Variants in PRKN observed in about 807,000 individuals in gnomAD.
The protein encoded by PRKN is E3 ubiquitin-protein ligase parkin.
Under a neutral mutation model 59.5 loss-of-function variants are expected in PRKN, and 56 were observed. That is an observed-to-expected ratio of 0.94 (90% confidence interval 0.76 to 1.18). PRKN has a LOEUF of 1.18. Among genes scored for constraint, PRKN ranks in the 50% most tolerant of loss-of-function variants. PRKN has a pLI of 0.00. For synonymous variants in PRKN, 250 were observed against 222.1 expected (o/e 1.13, Z -1.12); for missense variants, 657 against 596.4 (o/e 1.10, Z -1.06).
chr6:162,408,809 C>T (rs963841484), intron 2 of PRKN, among the ~76,000 whole-genome samples: 5 of 152,172 alleles, frequency 3.3e-5, no homozygotes, highest in African/African-American at 9.7e-5. Context: ...ATCACATATT[C>T]TTACTCTAAG....
chr6:161,929,253 A>C (rs1583359585), intron 6 of PRKN, among the ~76,000 whole-genome samples: 1 of 152,346 alleles, frequency 6.6e-6, no homozygotes, highest in East Asian at 1.9e-4. Context: ...CTTTTATATG[A>C]AATGTCCAGA....
chr6:162,461,910 T>C (rs565334888), intron 1 of PRKN, among the ~76,000 whole-genome samples: 5 of 151,858 alleles, frequency 3.3e-5, no homozygotes, highest in East Asian at 3.9e-4. Context: ...AATATAGGAA[T>C]GATAGAGAAA....
At chr6:162,226,914 A>G (rs966124607) in intron 3 of PRKN, among the ~76,000 whole-genome samples, 8 of 152,182 alleles carry the variant, frequency 5.3e-5, no homozygotes, top group African/African-American at 1.9e-4. Context: ...TCCTTGGTAT[A>G]TGCTGCTACT....
intron 4 of PRKN, among the ~76,000 whole-genome samples, chr6:162,156,109 T>G (rs957377313): frequency 6.6e-6 from 1 of 152,172 alleles, no homozygotes; most frequent in Non-Finnish European, 1.5e-5. Flanking sequence ...TACATCCCTA[T>G]GTACTGTATA....
chr6:162,352,142 C>T (rs1784651560), intron 2 of PRKN, among the ~76,000 whole-genome samples: 1 of 152,244 alleles, frequency 6.6e-6, no homozygotes, highest in Admixed American at 6.5e-5. Flanking sequence ...ACTTCACAAA[C>T]AGCAGCACCG....
intron 2 of PRKN, among the ~76,000 whole-genome samples, chr6:162,296,300 C>A (rs970827256): frequency 3.8e-4 from 57 of 148,316 alleles, no homozygotes; most frequent in Non-Finnish European, 7.4e-5. Flanking sequence ...CAGCCAGGGG[C>A]CTTGACAAGC....
chr6:162,011,412 TA>T (rs1366156057), intron 5 of PRKN, among the ~76,000 whole-genome samples: 2 of 19,960 alleles, frequency 1.0e-4, no homozygotes, highest in Non-Finnish European at 1.4e-4. Flanking sequence ...ATATATAATA[TA>T]TTATATTTTA....
intron 8 of PRKN, among the ~76,000 whole-genome samples, chr6:161,563,350 T>C (rs115716824): frequency 2.5e-3 from 375 of 152,302 alleles, no homozygotes; most frequent in African/African-American, 8.4e-3. Flanking sequence ...ATTTCAGTGA[T>C]TAAACCTAAG....
chr6:161,691,729 T>C (rs1785802870), intron 7 of PRKN, among the ~76,000 whole-genome samples: 1 of 152,138 alleles, frequency 6.6e-6, no homozygotes, highest in African/African-American at 2.4e-5. Flanking sequence ...AAATAGGCCA[T>C]GAAAAGGACA....
intron 6 of PRKN, among the ~76,000 whole-genome samples, chr6:161,943,763 G>T (rs1382469761): frequency 6.6e-6 from 1 of 151,406 alleles, no homozygotes; most frequent in African/African-American, 2.4e-5. Context: ...GAAGCAGCCT[G>T]AGGGATCAGC....
chr6:162,236,027 C>T (rs1311588490), intron 3 of PRKN, among the ~76,000 whole-genome samples: 2 of 116,754 alleles, frequency 1.7e-5, no homozygotes, highest in Admixed American at 1.7e-4. Flanking sequence ...GAAAGAAACT[C>T]CTCACCCTTC....
chr6:162,566,922 T>C (rs1780108071), intron 1 of PRKN, among the ~76,000 whole-genome samples: 1 of 152,056 alleles, frequency 6.6e-6, no homozygotes, highest in African/African-American at 2.4e-5. Flanking sequence ...CATCAGAAAG[T>C]GGGATTTATC....
intron 4 of PRKN, among the ~76,000 whole-genome samples, chr6:162,055,081 G>A (rs1777802497): frequency 6.6e-6 from 1 of 152,194 alleles, no homozygotes; most frequent in Non-Finnish European, 1.5e-5. Context: ...AGAATCGCTT[G>A]AATGCAGGAG....
chr6:162,565,820 T>C (rs962025911), intron 1 of PRKN, among the ~76,000 whole-genome samples: 2 of 152,162 alleles, frequency 1.3e-5, no homozygotes, highest in South Asian at 2.1e-4. Flanking sequence ...GACTCATTTA[T>C]ATGTTGCCTA....
intron 1 of PRKN, among the ~76,000 whole-genome samples, chr6:162,455,447 C>G: frequency 6.6e-6 from 1 of 152,134 alleles, no homozygotes; most frequent in Non-Finnish European, 1.5e-5. Flanking sequence ...CCCAAGGCAA[C>G]GTGTACAGCA....
chr6:161,960,832 A>G (rs1297686347), intron 6 of PRKN, among the ~76,000 whole-genome samples: 1 of 152,156 alleles, frequency 6.6e-6, no homozygotes, highest in Non-Finnish European at 1.5e-5. Flanking sequence ...TGCTTTTCCA[A>G]TTGCAGTTTA....
intron 1 of PRKN, among the ~76,000 whole-genome samples, chr6:162,458,417 A>G (rs1791005552): frequency 6.7e-6 from 1 of 148,706 alleles, no homozygotes. Context: ...TAAGAGCGAG[A>G]CTCCATCTCA....
chr6:162,544,762 C>T (rs1779054532), intron 1 of PRKN, among the ~76,000 whole-genome samples: 1 of 149,344 alleles, frequency 6.7e-6, no homozygotes, highest in African/African-American at 2.5e-5. Context: ...ACGGCAACCT[C>T]CGCCTCCCGG....
At chr6:162,454,020 T>C (rs1022262372) in intron 1 of PRKN, among the ~76,000 whole-genome samples, 3 of 152,226 alleles carry the variant, frequency 2.0e-5, no homozygotes, top group Non-Finnish European at 4.4e-5. Context: ...TTGTGTCTTA[T>C]AAGGTATACG....
Sources: allele counts gnomAD v4.1 joint callset (sites outside exome capture counted in the v4.1 genomes callset), GRCh38; gene constraint gnomAD v4.1.1; transcripts MANE v1.5; gene names NCBI Gene and HGNC (gene_info 2026-07-23, HGNC 2026-07-21).